ARHGAP32: variants seen among roughly 807,000 people sequenced by gnomAD.
ARHGAP32 encodes Rho GTPase activating protein 32.
A neutral mutation model predicts 186.5 loss-of-function variants in ARHGAP32; 51 were observed. The ratio of observed to expected loss-of-function variants is 0.27; its 90% CI spans 0.22 to 0.35. ARHGAP32 has a LOEUF of 0.35. Ranked by LOEUF, ARHGAP32 falls within the 10% of genes least tolerant of loss-of-function variation. The pLI, the probability that ARHGAP32 is intolerant of heterozygous loss-of-function variation, is 1.00. For missense variants in ARHGAP32, 2,186 were observed against 2,623.5 expected (o/e 0.83, Z 3.64); for synonymous variants, 950 against 964.3 (o/e 0.99, Z 0.27).
At chr11:129,086,029 A>C (rs900956515) in intron 6 of ARHGAP32, among the ~76,000 whole-genome samples, 1 of 151,344 alleles carries the variant, frequency 6.6e-6, no homozygotes, top group Non-Finnish European at 1.5e-5. Context: ...AAAAAAAAAA[A>C]CAAAAAAAAG....
intron 2 of ARHGAP32, among the ~76,000 whole-genome samples, chr11:129,147,336 A>G (rs959452191): frequency 3.4e-4 from 51 of 152,234 alleles, no homozygotes; most frequent in African/African-American, 1.2e-3. Context: ...ATTTTAATAC[A>G]GAGTAAACAG....
chr11:129,036,005 C>T (rs1939317784), intron 11 of ARHGAP32, among the ~76,000 whole-genome samples: 1 of 152,144 alleles, frequency 6.6e-6, no homozygotes, highest in Non-Finnish European at 1.5e-5. Flanking sequence ...TTTTCCAGAA[C>T]TATCAATAAC....
chr11:129,238,873 T>C (rs1212257391), intron 1 of ARHGAP32, among the ~76,000 whole-genome samples: 2 of 152,078 alleles, frequency 1.3e-5, no homozygotes, highest in African/African-American at 2.4e-5. Flanking sequence ...CTCACTCTGT[T>C]GCCCAGGCTG....
chr11:129,151,502 T>C (rs550735049), intron 2 of ARHGAP32, among the ~76,000 whole-genome samples: 42 of 152,260 alleles, frequency 2.8e-4, no homozygotes, highest in Non-Finnish European at 4.6e-4. Context: ...AAGAAAAATC[T>C]AAATTATATC....
chr11:128,980,752 C>T lies in ARHGAP32; in HGVS notation c.1781-4G>A. The T allele has an allele frequency of 1.3e-6, 2 of 1,593,332 alleles. No homozygotes were observed. Among genetic ancestry groups the T allele is most frequent in the Non-Finnish European group, 1.7e-6 (2 of 1,171,752 alleles). ...GACTTGGGCCTTGATAGAGAAGCTT[C>T]AAAAAGAAAAGGAAGCTGATGAAGA... is the stretch of plus-strand genomic sequence containing the variant. On this transcript the variant is annotated splice_polypyrimidine_tract_variant and splice_region_variant and intron_variant, in intron 17 of 22. Coordinates refer to ENST00000682385, the MANE Select transcript of ARHGAP32 (RefSeq NM_001378024.1).
At chr11:129,193,628 TATATA>T (rs1295939942), upstream of ARHGAP32, among the ~76,000 whole-genome samples, 87 of 80,572 alleles carry the variant, frequency 1.1e-3, no homozygotes, top group East Asian at 0.011. Context: ...TTATATAATA[TATATA>T]ATATATGTTA....
At chr11:129,209,741 T>C (rs1387707023) in intron 1 of ARHGAP32, among the ~76,000 whole-genome samples, 1 of 152,180 alleles carries the variant, frequency 6.6e-6, no homozygotes, top group African/African-American at 2.4e-5. Flanking sequence ...ATTTTTCTTC[T>C]CTAACTCTTA....
intron 11 of ARHGAP32, among the ~76,000 whole-genome samples, chr11:129,000,156 A>G (rs879575370): frequency 6.6e-6 from 1 of 152,210 alleles, no homozygotes; most frequent in Non-Finnish European, 1.5e-5. Context: ...CAGATAGTCC[A>G]TTAACATTCG....
At chr11:129,250,819 T>C (rs998158745) in intron 1 of ARHGAP32, among the ~76,000 whole-genome samples, 6 of 152,128 alleles carry the variant, frequency 3.9e-5, no homozygotes, top group African/African-American at 1.2e-4. Context: ...TATTATGACA[T>C]TAAAAAGAAA....
intron 1 of ARHGAP32, among the ~76,000 whole-genome samples, chr11:129,173,521 G>C (rs1224186510): frequency 1.3e-5 from 2 of 152,014 alleles, no homozygotes; most frequent in Admixed American, 6.6e-5. Context: ...AACCAAAAAA[G>C]AAAACTTCAG....
intron 2 of ARHGAP32, among the ~76,000 whole-genome samples, chr11:129,130,036 T>C (rs1942774436): frequency 6.6e-6 from 1 of 152,166 alleles, no homozygotes; most frequent in African/African-American, 2.4e-5. Context: ...TAGCTTTCCA[T>C]TAAAATTATA....
chr11:129,003,576 T>C (rs1937623844), intron 11 of ARHGAP32, among the ~76,000 whole-genome samples: 1 of 152,212 alleles, frequency 6.6e-6, no homozygotes, highest in African/African-American at 2.4e-5. Context: ...TATTGGTCTG[T>C]TCAGGTTTTG....
At chr11:129,114,405 T>A (rs762838930) in intron 5 of ARHGAP32, among the ~76,000 whole-genome samples, 1 of 152,112 alleles carries the variant, frequency 6.6e-6, no homozygotes, top group Admixed American at 6.6e-5. Flanking sequence ...ATTTATAACA[T>A]TGTTTTTCTC....
At chr11:129,169,511 G>C (rs1338340406) in intron 1 of ARHGAP32, among the ~76,000 whole-genome samples, 1 of 151,480 alleles carries the variant, frequency 6.6e-6, no homozygotes, top group Non-Finnish European at 1.5e-5. Flanking sequence ...GGCGCCTATA[G>C]TCCCAGCTAC....
intron 2 of ARHGAP32, among the ~76,000 whole-genome samples, chr11:129,132,161 A>T (rs957917264): frequency 3.3e-5 from 5 of 152,224 alleles, no homozygotes; most frequent in African/African-American, 1.2e-4. Flanking sequence ...TTGGAGAGCC[A>T]GAGAATGTGG....
chr11:129,116,615 T>G (rs191988811), intron 5 of ARHGAP32, among the ~76,000 whole-genome samples: 153 of 152,216 alleles, frequency 1.0e-3, no homozygotes, highest in African/African-American at 3.5e-3. Context: ...GTATAAGATT[T>G]TTTTAAACTG....
At chr11:129,018,380 C>A (rs7927558) in intron 11 of ARHGAP32, among the ~76,000 whole-genome samples, 1 of 152,096 alleles carries the variant, frequency 6.6e-6, no homozygotes, top group African/African-American at 2.4e-5. Flanking sequence ...TAGGCATCAG[C>A]AAATACCTTA....
chr11:128,984,119 A>T (rs1945794346), intron 15 of ARHGAP32, among the ~76,000 whole-genome samples: 1 of 152,196 alleles, frequency 6.6e-6, no homozygotes, highest in African/African-American at 2.4e-5. Flanking sequence ...CACACCTGTA[A>T]TCCCAGCACT....
chr11:129,143,090 A>ATATATATATATATATATATATATATAG (rs1258769121), intron 2 of ARHGAP32, among the ~76,000 whole-genome samples: 13 of 47,606 alleles, frequency 2.7e-4, no homozygotes, highest in Admixed American at 1.1e-3. Context: ...TATATATATA[A>ATATATATATATATATATATATATATAG]TCAACTGAAT....
Sources: gnomAD v4.1 joint callset for allele counts (sites outside exome capture counted in the v4.1 genomes callset) on GRCh38, gnomAD v4.1.1 for gene constraint, MANE v1.5 for transcripts, NCBI Gene and HGNC (gene_info 2026-07-23, HGNC 2026-07-21) for gene names.